The following PTPRA variants were observed in gnomAD, a reference collection of about 807,000 sequenced individuals.
PTPRA encodes receptor-type tyrosine-protein phosphatase alpha.
PTPRA carries 25 observed loss-of-function variants against 104.8 expected under a neutral mutation model. The observed-to-expected ratio is 0.24, with a 90% confidence interval of 0.17 to 0.33. The LOEUF is 0.33. Ranked by LOEUF, PTPRA falls within the 10% of genes least tolerant of loss-of-function variation. The pLI is 1.00. For missense variants in PTPRA, 765 were observed against 1,015.3 expected (o/e 0.75, Z 3.35); for synonymous variants, 323 against 368.9 (o/e 0.88, Z 1.43).
At chr20:2,905,111 A>G (rs1447211558) in intron 1 of PTPRA, among the ~76,000 whole-genome samples, 1 of 152,138 alleles carries the variant, frequency 6.6e-6, no homozygotes, top group East Asian at 1.9e-4. Context: ...TGCGAACTGT[A>G]CACTCCAGGG....
intron 1 of PTPRA, among the ~76,000 whole-genome samples, chr20:2,906,317 G>A (rs778167269): frequency 6.6e-6 from 1 of 152,150 alleles, no homozygotes; most frequent in Non-Finnish European, 1.5e-5. Flanking sequence ...AGTCCTATTT[G>A]TGTTAGATAA....
At chr20:2,986,694 G>T (rs766086050) in intron 6 of PTPRA, 71 bp from the exon 7 acceptor site, 2 of 1,289,354 alleles carry the variant, frequency 1.6e-6, no homozygotes, top group Non-Finnish European at 2.3e-6. Context: ...TCAGGGTGTT[G>T]CCCTGAATGG....
intron 2 of PTPRA, among the ~76,000 whole-genome samples, chr20:2,928,629 G>A (rs772805095): frequency 6.6e-6 from 1 of 152,034 alleles, no homozygotes; most frequent in African/African-American, 2.4e-5. Flanking sequence ...CCATAGAGGT[G>A]TACTTGGTGG....
chr20:2,934,290 G>A (rs1365239365), intron 2 of PTPRA, among the ~76,000 whole-genome samples: 2 of 151,902 alleles, frequency 1.3e-5, no homozygotes, highest in Non-Finnish European at 2.9e-5. Flanking sequence ...TTTTTGTAGA[G>A]ACTATATTTC....
intron 17 of PTPRA, 95 bp downstream of exon 17, chr20:3,024,716 C>T: frequency 1.4e-6 from 2 of 1,448,260 alleles, no homozygotes; most frequent in Non-Finnish European, 1.9e-6. Flanking sequence ...ACAGTAAATC[C>T]CCTTGTGAGG....
In PTPRA at chr20:2,877,243, TG is replaced by T. The variant is rs200643059; in HGVS notation, c.-129+3484del. 5.0e-3 allele frequency among the ~76,000 whole-genome samples: 756 copies of T among 152,220 alleles called. 5 individuals are homozygous for T. The highest frequency in any genetic ancestry group is 0.017 in the African/African-American group (702 of 41,540). Reference sequence around the variant, plus strand: ...TTTCCAAATGACAAAGCTGAAGAGATGTTTTTTGTTTGTTTGTTTGTTTGTT... The same window carrying T: ...TTTCCAAATGACAAAGCTGAAGAGATTTTTTTGTTTGTTTGTTTGTTTGTT... On this transcript the variant is annotated intron_variant, in intron 1 of 23. Coordinates refer to ENST00000399903, the MANE Select transcript of PTPRA (RefSeq NM_001385305.1).
At chr20:3,019,797 T>C (rs1332131644) in intron 13 of PTPRA, among the ~76,000 whole-genome samples, 3 of 152,012 alleles carry the variant, frequency 2.0e-5, no homozygotes, top group Non-Finnish European at 4.4e-5. Flanking sequence ...GAGCACTGAG[T>C]GAACGAGACT....
chr20:2,871,898 C>T (rs2089438294), upstream of PTPRA, among the ~76,000 whole-genome samples: 4 of 152,332 alleles, frequency 2.6e-5, no homozygotes, highest in Non-Finnish European at 5.9e-5. Flanking sequence ...TAGGCTGGCC[C>T]TGCTGAGAGG....
At chr20:2,956,030 A>G (rs1172640932) in intron 3 of PTPRA, among the ~76,000 whole-genome samples, 1 of 152,164 alleles carries the variant, frequency 6.6e-6, no homozygotes, top group African/African-American at 2.4e-5. Flanking sequence ...GAAGTTAGAC[A>G]TCTGGGCCTT....
rs533364470 is a variant in PTPRA, at chr20:2,901,935, G to T, written c.-128-21272G>T. 1.2e-3 allele frequency among the ~76,000 whole-genome samples: 186 copies of T among 151,558 alleles called. 4 individuals carry two copies. In the South Asian group the frequency reaches 0.029, roughly 24 times the overall value. The stretch of plus-strand genomic sequence containing the variant: ...GAGTCTCGCTCTGTCACCCAGGCTA[G>T]AGTGCAGTGGCGCAGTCTTAGCTCA... On this transcript the variant is annotated intron_variant, in intron 1 of 23. Transcript: ENST00000399903.
intron 3 of PTPRA, among the ~76,000 whole-genome samples, chr20:2,960,950 A>T (rs542114117): frequency 6.7e-5 from 10 of 149,460 alleles, no homozygotes; most frequent in Non-Finnish European, 1.2e-4. Context: ...ACGTATTTTC[A>T]TGTTTTTAGC....
intron 12 of PTPRA, among the ~76,000 whole-genome samples, chr20:3,016,861 A>G (rs761064065): frequency 5.3e-5 from 8 of 152,242 alleles, no homozygotes; most frequent in Non-Finnish European, 1.0e-4. Context: ...TTCTTATGAT[A>G]GATGACATCA....
intron 6 of PTPRA, among the ~76,000 whole-genome samples, chr20:2,980,925 G>A (rs2076148367): frequency 6.6e-6 from 1 of 152,106 alleles, no homozygotes; most frequent in Admixed American, 6.6e-5. Flanking sequence ...ACCAGGAAGG[G>A]GTTCAGTGAT....
At chr20:2,989,513 G>A (rs908130436) in intron 9 of PTPRA, among the ~76,000 whole-genome samples, 9 of 152,110 alleles carry the variant, frequency 5.9e-5, no homozygotes, top group African/African-American at 2.2e-4. Context: ...CAGGGGATTG[G>A]GGAGCCTTCC....
At chr20:2,882,429 A>G (rs1445049574) in intron 1 of PTPRA, among the ~76,000 whole-genome samples, 1 of 151,808 alleles carries the variant, frequency 6.6e-6, no homozygotes, top group Non-Finnish European at 1.5e-5. Context: ...AGCCAGGACC[A>G]CAGGCATGCA....
At chr20:3,006,743 T>C (rs551700885) in intron 10 of PTPRA, among the ~76,000 whole-genome samples, 12 of 152,328 alleles carry the variant, frequency 7.9e-5, no homozygotes, top group African/African-American at 2.9e-4. Flanking sequence ...TTTTCCTGCT[T>C]CAGCCTCCCA....
intron 1 of PTPRA, among the ~76,000 whole-genome samples, chr20:2,908,105 C>T (rs1043672726): frequency 6.6e-6 from 1 of 152,102 alleles, no homozygotes; most frequent in African/African-American, 2.4e-5. Flanking sequence ...TTAGAAACTT[C>T]CCTCCTTTAC....
At chr20:2,869,914 G>T (rs1287585849), upstream of PTPRA, among the ~76,000 whole-genome samples, 1 of 151,802 alleles carries the variant, frequency 6.6e-6, no homozygotes, top group African/African-American at 2.4e-5. Flanking sequence ...GGTGGAGGTT[G>T]CAGTGAGCTG....
chr20:3,016,999 A>G (rs2064494339), intron 12 of PTPRA, among the ~76,000 whole-genome samples: 2 of 152,180 alleles, frequency 1.3e-5, no homozygotes, highest in African/African-American at 2.4e-5. Flanking sequence ...TGAGTTTACA[A>G]ATATTCACAG....
Sources: gnomAD v4.1 joint callset for allele counts (sites outside exome capture counted in the v4.1 genomes callset) on GRCh38, gnomAD v4.1.1 for gene constraint, MANE v1.5 for transcripts, NCBI Gene and HGNC (gene_info 2026-07-23, HGNC 2026-07-21) for gene names.